Variants in TBC1D3B observed in about 807,000 individuals in gnomAD.
The protein encoded by TBC1D3B is Rab GTPase-activating protein PRC17 duplicate.
In TBC1D3B, 2 loss-of-function variants were observed where a neutral mutation model predicts 27.1. That is an observed-to-expected ratio of 0.07 (90% confidence interval 0.03 to 0.23). TBC1D3B has a LOEUF of 0.23. TBC1D3B is among the 10% of genes least tolerant of loss of function. The pLI is 1.00. For missense variants in TBC1D3B, 17 were observed against 401.3 expected, an observed-to-expected ratio of 0.04 and a Z score of 8.18; for synonymous variants, 3 against 150.1, an observed-to-expected ratio of 0.02 and a Z score of 7.16.
At position 36,170,899 on chromosome 17, in the gene TBC1D3B, G is replaced by A. The variant is rs1242426448; in HGVS notation, c.498-296C>T. ...GTCTGTGGGTGTACAGTTCCTCCACGGTTCCAAACCAATGTGCAGAGTCTC... is the reference window on the plus strand; with the variant it reads ...GTCTGTGGGTGTACAGTTCCTCCACAGTTCCAAACCAATGTGCAGAGTCTC... On this transcript the variant is annotated intron_variant, in intron 7 of 13. Coordinates refer to ENST00000611257, the MANE Select transcript of TBC1D3B (RefSeq NM_001001417.7). Among the ~76,000 whole-genome samples, 15 of 89,842 alleles carry A rather than the reference G, an allele frequency of 1.7e-4. 1 individual carries two copies. Among genetic ancestry groups the A allele is most frequent in the Admixed American group, 4.8e-4 (5 of 10,388 alleles). The allele number at this position is 89,842 out of a possible 152,430, so 58.9% of individuals were successfully genotyped here.
Position 36,169,355 on chromosome 17 carries a change from C to G in TBC1D3B, c.668-181G>C, listed in dbSNP as rs1265740292. Among the ~76,000 whole-genome samples, 42 of 149,584 alleles carry G rather than the reference C, an allele frequency of 2.8e-4. 1 individual carries two copies. Among genetic ancestry groups the G allele is most frequent in the Admixed American group, 2.3e-3 (35 of 15,052 alleles). ...GGTGGGGCGGGAACATTCCCTGGAGCCTGGCTGGAGGTTCCCCTGGAGGCC... is the reference window on the plus strand; with the variant it reads ...GGTGGGGCGGGAACATTCCCTGGAGGCTGGCTGGAGGTTCCCCTGGAGGCC... On this transcript the variant is annotated intron_variant, in intron 9 of 13. Transcript: ENST00000611257.
intron 9 of TBC1D3B, among the ~76,000 whole-genome samples, chr17:36,169,519 C>A (rs2068317852): frequency 6.7e-6 from 1 of 149,566 alleles, no homozygotes; most frequent in Non-Finnish European, 1.5e-5. Context: ...GGAGATGCTG[C>A]CACCTGGGCT....
At position 36,169,291 on chromosome 17, in the gene TBC1D3B, C is replaced by T; in HGVS notation, c.668-117G>A. The T allele has an allele frequency of 2.6e-6, 4 of 1,531,534 alleles. 1 individual carries two copies. The highest frequency in any genetic ancestry group is 1.8e-6 in the Non-Finnish European group (2 of 1,108,130). The allele number at this position is 1,531,534 out of a possible 1,614,324, so 94.9% of individuals were successfully genotyped here. A position where few individuals can be genotyped will look rare whatever the true frequency, so the allele number is the denominator to read the frequency against. The stretch of plus-strand genomic sequence containing the variant: ...AAACCCCAAGGCTACTCCCACCCTC[C>T]CATCTGGTGACCCCAACATGCGGCC... On this transcript the variant is annotated intron_variant, in intron 9 of 13. Coordinates refer to ENST00000611257, the MANE Select transcript of TBC1D3B (RefSeq NM_001001417.7).
intron 13 of TBC1D3B, among the ~76,000 whole-genome samples, chr17:36,167,044 T>G (rs1433070053): frequency 4.8e-5 from 5 of 104,558 alleles, no homozygotes; most frequent in African/African-American, 1.0e-4. Flanking sequence ...GCTCTGGCTC[T>G]GGGCCCGGGG....
At chr17:36,167,085 G>C (rs1270890479) in intron 13 of TBC1D3B, among the ~76,000 whole-genome samples, 1 of 108,084 alleles carries the variant, frequency 9.3e-6, no homozygotes, top group African/African-American at 2.5e-5. Context: ...TGAATGCTCT[G>C]TGGGTCAGGG....
chr17:36,167,059 G>A (rs1255995834), intron 13 of TBC1D3B, among the ~76,000 whole-genome samples: 7 of 106,316 alleles, frequency 6.6e-5, no homozygotes, highest in African/African-American at 1.5e-4. Context: ...CCGGGGTCCC[G>A]CCTGTGCCCT....
chr17:36,170,813 C>A (rs1309204505), intron 7 of TBC1D3B, among the ~76,000 whole-genome samples: 7 of 85,194 alleles, frequency 8.2e-5, no homozygotes, highest in Non-Finnish European at 2.4e-4. Context: ...CAGTGACTTG[C>A]CTGATCCTTT....
At chr17:36,171,454 C>A (rs1300509146) in intron 7 of TBC1D3B, among the ~76,000 whole-genome samples, 181 of 150,118 alleles carry the variant, frequency 1.2e-3, no homozygotes, top group African/African-American at 4.2e-3. Flanking sequence ...TCCCAGCGGA[C>A]CTGGATGAGA....
intron 5 of TBC1D3B, 63 bp from the exon 6 acceptor site, chr17:36,172,464 CG>C (rs2068382282): frequency 1.7e-6 from 2 of 1,167,734 alleles, no homozygotes; most frequent in African/African-American, 1.4e-5. Flanking sequence ...GACCAGAGCC[CG>C]GGGATTCTGG....
At chr17:36,167,867 TG>T (rs2068283733) in intron 12 of TBC1D3B, among the ~76,000 whole-genome samples, 171 bp from the exon 13 acceptor site, 1 of 104,432 alleles carries the variant, frequency 9.6e-6, no homozygotes, top group Non-Finnish European at 2.5e-5. Flanking sequence ...GACAGGGAAG[TG>T]CTCACCACAC....
intron 13 of TBC1D3B, among the ~76,000 whole-genome samples, chr17:36,166,980 G>A (rs1443407312): frequency 4.4e-4 from 36 of 82,506 alleles, no homozygotes; most frequent in African/African-American, 8.8e-4. Flanking sequence ...CTGCCCTCCT[G>A]GGCTGCCCAG....
intron 9 of TBC1D3B, among the ~76,000 whole-genome samples, chr17:36,169,544 G>A (rs1324448825): frequency 1.3e-5 from 2 of 148,370 alleles, no homozygotes; most frequent in African/African-American, 4.8e-5. Context: ...CGGCCCATTC[G>A]TGGGCACCGA....
intron 7 of TBC1D3B, 43 bp from the exon 8 acceptor site, chr17:36,170,646 T>C: frequency 3.4e-6 from 1 of 298,480 alleles, no homozygotes; most frequent in South Asian, 2.6e-5. Context: ...TTTGTGCAGA[T>C]GTTGTTAATT....
intron 9 of TBC1D3B, 96 bp from the exon 10 acceptor site, chr17:36,169,270 C>T (rs1351757826): frequency 1.9e-6 from 3 of 1,566,210 alleles, no homozygotes; most frequent in Non-Finnish European, 2.6e-6. Context: ...GCCCCCAAAC[C>T]CCAAGGCTAC....
At chr17:36,169,622 A>T (rs2068320694) in intron 9 of TBC1D3B, among the ~76,000 whole-genome samples, 1 of 130,978 alleles carries the variant, frequency 7.6e-6, no homozygotes, top group Non-Finnish European at 1.8e-5. Flanking sequence ...AGCTGCACAG[A>T]ATCAGAGCCG....
intron 9 of TBC1D3B, among the ~76,000 whole-genome samples, chr17:36,169,568 CCGGGCAGCTGGAGGG>C (rs2068319384): frequency 6.8e-6 from 1 of 146,442 alleles, no homozygotes. Flanking sequence ...CAGCAGGAGC[CCGGGCAGCTGGAGGG>C]CAGGAGGACT....
intron 1 of TBC1D3B, among the ~76,000 whole-genome samples, chr17:36,175,861 G>GGTA (rs1466956079): frequency 4.9e-4 from 60 of 122,414 alleles, no homozygotes; most frequent in African/African-American, 1.8e-3. Flanking sequence ...GAGAACCCTA[G>GGTA]TGCCCGGACC....
At chr17:36,167,150 G>A (rs1269592788) in intron 13 of TBC1D3B, among the ~76,000 whole-genome samples, 1 of 103,512 alleles carries the variant, frequency 9.7e-6, no homozygotes, top group African/African-American at 2.6e-5. Context: ...CAACCTTGGA[G>A]GAGCGTGCAG....
At chr17:36,167,013 C>T (rs1454476588) in intron 13 of TBC1D3B, among the ~76,000 whole-genome samples, 4 of 96,886 alleles carry the variant, frequency 4.1e-5, no homozygotes, top group African/African-American at 1.1e-4. Context: ...CTGACCGTTC[C>T]CACTTCTGGC....
Sources: gnomAD v4.1 joint callset for allele counts (sites outside exome capture counted in the v4.1 genomes callset) on GRCh38, gnomAD v4.1.1 for gene constraint, MANE v1.5 for transcripts, NCBI Gene and HGNC (gene_info 2026-07-23, HGNC 2026-07-21) for gene names.